FSTL5: variants seen among roughly 807,000 people sequenced by gnomAD.
The protein encoded by FSTL5 is follistatin-related protein 5.
FSTL5 carries 62 observed loss-of-function variants against 89.1 expected under a neutral mutation model. The observed-to-expected ratio is 0.70, with a 90% CI of 0.57 to 0.86. FSTL5 has a LOEUF of 0.86. FSTL5 is among the 40% of genes least tolerant of loss of function. The probability of loss-of-function intolerance (pLI) is 0.00; values close to 1 mark genes in which losing one functional copy is unlikely to be tolerated. For synonymous variants in FSTL5, 383 were observed against 346.2 expected (o/e 1.11, Z -1.18); for missense variants, 1,057 against 1,001.6 (o/e 1.06, Z -0.75).
chr4:162,057,160 A>C (rs1044585297), intron 2 of FSTL5, among the ~76,000 whole-genome samples: 1 of 152,204 alleles, frequency 6.6e-6, no homozygotes, highest in African/African-American at 2.4e-5. Context: ...AAAGGAGCTG[A>C]CAAGCAGCTT....
chr4:161,894,469 T>G (rs1378310517), intron 4 of FSTL5, among the ~76,000 whole-genome samples: 1 of 152,098 alleles, frequency 6.6e-6, no homozygotes, highest in African/African-American at 2.4e-5. Flanking sequence ...TGTTTCTTTC[T>G]CTATATATAT....
intron 7 of FSTL5, 49 bp from the exon 8 acceptor site, chr4:161,587,624 A>G: frequency 6.8e-7 from 1 of 1,467,098 alleles, no homozygotes; most frequent in South Asian, 1.2e-5. Flanking sequence ...AATTAATTGT[A>G]ACAATTTCAA....
In FSTL5 at chr4:162,146,335, G is replaced by A. The variant is rs367548531; in HGVS notation, c.-17+17280C>T. ...TTGTTGTGAATCTATTCCAACAGAA[G>A]GATCAAAAATAGAATTTCCTTTCTA... is the stretch of plus-strand genomic sequence containing the variant. On this transcript the variant is annotated intron_variant, in intron 1 of 15. Transcript: ENST00000306100. 1.5e-4 allele frequency among the ~76,000 whole-genome samples: 23 copies of A among 152,148 alleles called. No homozygotes were observed. The East Asian group carries it at 1.5e-3, about 10-fold the overall frequency.
intron 6 of FSTL5, among the ~76,000 whole-genome samples, chr4:161,733,672 C>CT (rs1457827884): frequency 6.6e-6 from 1 of 151,822 alleles, no homozygotes; most frequent in East Asian, 1.9e-4. Context: ...AAGTTTCCCC[C>CT]TTTTTTAAGT....
At chr4:162,072,830 A>G (rs999357883) in intron 2 of FSTL5, among the ~76,000 whole-genome samples, 1 of 151,836 alleles carries the variant, frequency 6.6e-6, no homozygotes, top group Non-Finnish European at 1.5e-5. Context: ...GACCAAGTAA[A>G]GCAGATTACT....
rs1741683799 is a variant in FSTL5 at position 161,781,923 on chromosome 4, G to A, written c.410-5849C>T. Among the ~76,000 whole-genome samples the A allele has an allele frequency of 2.6e-5, 4 of 151,940 alleles. No homozygotes were observed. In the South Asian group the frequency reaches 8.3e-4, roughly 32 times the overall value. On this transcript the variant is annotated intron_variant, in intron 4 of 15. Transcript: ENST00000306100. ...TCATCACTTTCTCCTGTAACCCTTG[G>A]CAACCACTGATTTTTTTTATGCTTT... is the stretch of plus-strand genomic sequence containing the variant.
chr4:162,054,300 C>T (rs770885498), intron 2 of FSTL5, among the ~76,000 whole-genome samples: 1 of 151,686 alleles, frequency 6.6e-6, no homozygotes, highest in African/African-American at 2.4e-5. Flanking sequence ...CATTTGTCAA[C>T]GTGTGAATAG....
intron 6 of FSTL5, among the ~76,000 whole-genome samples, chr4:161,740,374 T>G (rs1739975248): frequency 6.6e-6 from 1 of 152,148 alleles, no homozygotes; most frequent in African/African-American, 2.4e-5. Context: ...TAATTGTTTA[T>G]GGAGGTTTAA....
Position 162,020,291 on chromosome 4 carries a change from C to T in FSTL5, c.160+13334G>A, listed in dbSNP as rs962328540. ...CTTAAGTTGTTGAACAAAACAGATT[C>T]AAGGTAAGTCTGTTTGGTGAAAGTT... On this transcript the variant is annotated intron_variant, in intron 3 of 15. Coordinates refer to ENST00000306100, the MANE Select transcript of FSTL5 (RefSeq NM_020116.5). Among the ~76,000 whole-genome samples the T allele has an allele frequency of 3.3e-5, 5 of 151,820 alleles. No individual in the cohort carries two copies. The South Asian group carries it at 6.2e-4, about 19-fold the overall frequency.
At chr4:162,151,661 T>C (rs1019329068) in intron 1 of FSTL5, among the ~76,000 whole-genome samples, 1 of 152,158 alleles carries the variant, frequency 6.6e-6, no homozygotes, top group Non-Finnish European at 1.5e-5. Flanking sequence ...AGTAAAAGCC[T>C]GAGTATCACA....
rs1456287857 is a variant in FSTL5 at position 161,735,672 on chromosome 4, T to C, written c.727+23739A>G. 3.9e-4 allele frequency among the ~76,000 whole-genome samples: 60 copies of C among 152,160 alleles called. 1 individual carries two copies. Among genetic ancestry groups the C allele is most frequent in the Admixed American group, 3.9e-3 (59 of 15,260 alleles). The stretch of plus-strand genomic sequence containing the variant: ...CGTATAGTATAAATACTTTCATTTG[T>C]TATTAATGCATATATAACTTCAGTA... On this transcript the variant is annotated intron_variant, in intron 6 of 15. Coordinates refer to ENST00000306100, the MANE Select transcript of FSTL5 (RefSeq NM_020116.5).
At chr4:162,010,371 G>A (rs1026979921) in intron 3 of FSTL5, among the ~76,000 whole-genome samples, 1 of 152,096 alleles carries the variant, frequency 6.6e-6, no homozygotes, top group Non-Finnish European at 1.5e-5. Flanking sequence ...AAGATCAAGA[G>A]AAGTTAAATA....
intron 7 of FSTL5, among the ~76,000 whole-genome samples, chr4:161,606,580 T>C (rs1345630120): frequency 6.6e-6 from 1 of 152,120 alleles, no homozygotes; most frequent in East Asian, 1.9e-4. Context: ...CTAGTGTACA[T>C]TTTTTACCTT....
At chr4:161,944,249 A>T (rs1734675405) in intron 3 of FSTL5, among the ~76,000 whole-genome samples, 1 of 152,132 alleles carries the variant, frequency 6.6e-6, no homozygotes, top group Admixed American at 6.5e-5. Context: ...AAATATAGTT[A>T]TCATTTTACT....
chr4:162,121,738 C>T (rs1423979017), intron 1 of FSTL5, among the ~76,000 whole-genome samples: 1 of 151,958 alleles, frequency 6.6e-6, no homozygotes, highest in Admixed American at 6.6e-5. Flanking sequence ...AATATTGACC[C>T]TTGAACAAGA....
intron 5 of FSTL5, among the ~76,000 whole-genome samples, chr4:161,762,592 T>C (rs1273905770): frequency 6.6e-6 from 1 of 152,178 alleles, no homozygotes; most frequent in African/African-American, 2.4e-5. Context: ...TCATACCATT[T>C]TACCTCTTAT....
intron 4 of FSTL5, among the ~76,000 whole-genome samples, chr4:161,826,962 GTGTTTT>G (rs1730687562): frequency 6.6e-6 from 1 of 152,006 alleles, no homozygotes; most frequent in Non-Finnish European, 1.5e-5. Context: ...TTTATTTACT[GTGTTTT>G]TGTTTTATGG....
chr4:162,082,097 A>G (rs918105640), intron 2 of FSTL5, among the ~76,000 whole-genome samples: 6 of 151,738 alleles, frequency 4.0e-5, no homozygotes, highest in Admixed American at 4.0e-4. Flanking sequence ...TCTGATTTTT[A>G]GGATTTAGAC....
At chr4:161,884,121 C>T (rs1732724418) in intron 4 of FSTL5, among the ~76,000 whole-genome samples, 1 of 152,058 alleles carries the variant, frequency 6.6e-6, no homozygotes, top group Admixed American at 6.6e-5. Flanking sequence ...ACGATCTCAG[C>T]TCACTGCAAC....
Sources: gnomAD v4.1 joint callset for allele counts (sites outside exome capture counted in the v4.1 genomes callset) on GRCh38, gnomAD v4.1.1 for gene constraint, MANE v1.5 for transcripts, NCBI Gene and HGNC (gene_info 2026-07-23, HGNC 2026-07-21) for gene names.